TTC23L: variants seen among roughly 807,000 people sequenced by gnomAD.
TTC23L encodes the protein tetratricopeptide repeat protein 23-like.
A neutral mutation model predicts 48.1 loss-of-function variants in TTC23L; 42 were observed. The observed-to-expected ratio is 0.87, with a 90% CI of 0.68 to 1.13. TTC23L has a LOEUF of 1.13. Among genes scored for constraint, TTC23L ranks in the 50% most tolerant of loss-of-function variants. The probability of loss-of-function intolerance (pLI) is 0.00; values close to 1 mark genes in which losing one functional copy is unlikely to be tolerated. For synonymous variants in TTC23L, 159 were observed against 157.2 expected (o/e 1.01, Z -0.09); for missense variants, 391 against 421.0 (o/e 0.93, Z 0.62).
intron 9 of TTC23L, among the ~76,000 whole-genome samples, chr5:34,895,274 C>A (rs186075057): frequency 1.3e-5 from 2 of 152,272 alleles, no homozygotes; most frequent in African/African-American, 4.8e-5. Flanking sequence ...TTATCTTAAG[C>A]CCCACTTTTC....
downstream of TTC23L, among the ~76,000 whole-genome samples, chr5:34,900,919 A>G (rs1763493456): frequency 6.6e-6 from 1 of 151,844 alleles, no homozygotes; most frequent in South Asian, 2.1e-4. Context: ...CCGCAGCAGT[A>G]GGAGGCAGCT....
At chr5:34,911,662 A>G in the TTC23L span, 1 of 1,614,194 alleles carries the variant, frequency 6.2e-7, no homozygotes. Context: ...AATTTTATTA[A>G]TAACATTGGT....
chr5:34,844,444 C>A (rs866643417), intron 2 of TTC23L, among the ~76,000 whole-genome samples: 178 of 122,696 alleles, frequency 1.5e-3, no homozygotes, highest in African/African-American at 1.5e-3. Context: ...GCAGCAGCAG[C>A]AAAAAAAAAA....
chr5:34,915,651 C>T, the TTC23L span: 7 of 1,430,206 alleles, frequency 4.9e-6, no homozygotes, highest in South Asian at 1.5e-5. Context: ...CGGAGCTGAG[C>T]GCTTAGAGCC....
chr5:34,877,512 C>T (rs1320454731), intron 8 of TTC23L, among the ~76,000 whole-genome samples: 1 of 151,982 alleles, frequency 6.6e-6, no homozygotes, highest in Non-Finnish European at 1.5e-5. Context: ...CAATCTCTGC[C>T]TTCTGGGCTC....
At chr5:34,913,907 G>A in the TTC23L span, 10 of 452,012 alleles carry the variant, frequency 2.2e-5, no homozygotes, top group African/African-American at 4.0e-5. Context: ...TTATTGATAC[G>A]GGGGTCTCAC....
intron 1 of TTC23L, among the ~76,000 whole-genome samples, chr5:34,839,875 C>G (rs1447012539): frequency 2.6e-5 from 4 of 152,220 alleles, no homozygotes; most frequent in African/African-American, 9.6e-5. Flanking sequence ...CATCTAACAG[C>G]AACAACTAAA....
intron 4 of TTC23L, among the ~76,000 whole-genome samples, chr5:34,855,556 C>G (rs375841880): frequency 2.6e-5 from 4 of 152,260 alleles, no homozygotes; most frequent in African/African-American, 9.6e-5. Flanking sequence ...GGGAATCTTT[C>G]CTAAATACAC....
At chr5:34,848,327 G>A (rs1561122006) in intron 3 of TTC23L, among the ~76,000 whole-genome samples, 1 of 152,132 alleles carries the variant, frequency 6.6e-6, no homozygotes, top group Non-Finnish European at 1.5e-5. Flanking sequence ...CATTTCTATA[G>A]GGGTAGAGGA....
intron 9 of TTC23L, among the ~76,000 whole-genome samples, chr5:34,890,839 C>T (rs1381527181): frequency 6.6e-6 from 1 of 152,006 alleles, no homozygotes; most frequent in Admixed American, 6.6e-5. Context: ...CTTCTGTGGC[C>T]GGTCTTCTTG....
chr5:34,846,600 T>TATAC (rs61009546), intron 3 of TTC23L, among the ~76,000 whole-genome samples: 2,942 of 92,872 alleles, frequency 0.032, 304 homozygotes, highest in Non-Finnish European at 0.041. Context: ...TATATATATA[T>TATAC]ACACACACAT....
chr5:34,840,826 C>A, intron 2 of TTC23L, 87 bp downstream of exon 2: 1 of 1,260,126 alleles, frequency 7.9e-7, no homozygotes, highest in Non-Finnish European at 1.2e-6. Flanking sequence ...GGGTGAGGAG[C>A]TTTGCATGAG....
At chr5:34,846,576 A>AAAATATATATATATATAT (rs1208315692) in intron 3 of TTC23L, among the ~76,000 whole-genome samples, 1 of 98,346 alleles carries the variant, frequency 1.0e-5, no homozygotes, top group Non-Finnish European at 1.8e-5. Flanking sequence ...AAAAAAAAAA[A>AAAATATATATATATATAT]ATATATATAT....
At chr5:34,901,504 T>C (rs1167456003), downstream of TTC23L, among the ~76,000 whole-genome samples, 2 of 152,346 alleles carry the variant, frequency 1.3e-5, no homozygotes, top group Middle Eastern at 3.4e-3. Flanking sequence ...GGCTCAAGCC[T>C]GTAATCCCAG....
downstream of TTC23L, among the ~76,000 whole-genome samples, chr5:34,900,779 A>ATACTT (rs1315976985): frequency 3.5e-4 from 54 of 152,350 alleles, no homozygotes; most frequent in African/African-American, 1.3e-3. Flanking sequence ...ATGATGAAAA[A>ATACTT]TACTTAAGAA....
chr5:34,917,686 A>G, the TTC23L span, among the ~76,000 whole-genome samples: 6 of 152,114 alleles, frequency 3.9e-5, no homozygotes, highest in South Asian at 6.2e-4. Context: ...CTAGTCAACC[A>G]TATCTATTGG....
chr5:34,846,707 G>GTGTGTGTGTGTGTGTGTGTA lies in TTC23L; in HGVS notation c.255+1035_255+1036insGTGTGTGTGTGTGTGTGTAT, dbSNP rs59410522. Reference sequence around the variant, plus strand: ...TGTGTGTGTGTGTGTGTGTGTGTGTGTATCCATCCTGGAAGGTTTCAGGAT... The same window carrying GTGTGTGTGTGTGTGTGTGTA: ...TGTGTGTGTGTGTGTGTGTGTGTGTGTGTGTGTGTGTGTGTGTGTATATCCATCCTGGAAGGTTTCAGGAT... On this transcript the variant is annotated intron_variant, in intron 3 of 10. Transcript: ENST00000505624. Among the ~76,000 whole-genome samples the GTGTGTGTGTGTGTGTGTGTA allele has an allele frequency of 1.5e-4, 20 of 129,730 alleles. 2 individuals carry two copies. Among genetic ancestry groups the GTGTGTGTGTGTGTGTGTGTA allele is most frequent in the Admixed American group, 9.0e-4 (11 of 12,264 alleles). 85.1% of individuals were successfully genotyped at this position (129,730 alleles called of 152,430 possible).
At chr5:34,885,736 G>C (rs1232879948) in intron 9 of TTC23L, among the ~76,000 whole-genome samples, 1 of 93,002 alleles carries the variant, frequency 1.1e-5, no homozygotes, top group African/African-American at 3.3e-5. Context: ...AACAGAGTGA[G>C]GCCCTGTCTA....
At chr5:34,913,205 A>C in the TTC23L span, among the ~76,000 whole-genome samples, 1 of 152,226 alleles carries the variant, frequency 6.6e-6, no homozygotes, top group Non-Finnish European at 1.5e-5. Context: ...AGACATGTCC[A>C]AAGTATTCTT....
Sources: gnomAD v4.1 joint callset for allele counts (sites outside exome capture counted in the v4.1 genomes callset) on GRCh38, gnomAD v4.1.1 for gene constraint, MANE v1.5 for transcripts, NCBI Gene and HGNC (gene_info 2026-07-23, HGNC 2026-07-21) for gene names.